ADCK1: variants seen among roughly 807,000 people sequenced by gnomAD.
The protein encoded by ADCK1 is aarF domain-containing protein kinase 1.
ADCK1 carries 41 observed loss-of-function variants against 52.3 expected under a neutral mutation model. The ratio of observed to expected loss-of-function variants is 0.78; its 90% CI spans 0.61 to 1.02. The LOEUF (loss-of-function observed/expected upper bound fraction) is 1.02, where lower values mean the gene tolerates loss of function less well. ADCK1 is among the 50% of genes least tolerant of loss of function. The pLI is 0.00. For synonymous variants in ADCK1, 250 were observed against 274.6 expected (o/e 0.91, Z 0.89); for missense variants, 658 against 679.5 (o/e 0.97, Z 0.35).
chr14:77,872,574 G>A (rs1371984548), intron 4 of ADCK1, among the ~76,000 whole-genome samples: 1 of 151,956 alleles, frequency 6.6e-6, no homozygotes, highest in Admixed American at 6.6e-5. Context: ...CAGATGGGGG[G>A]CTGGCCTTGG....
chr14:77,896,468 T>C (rs2083411091), intron 5 of ADCK1, among the ~76,000 whole-genome samples: 1 of 152,236 alleles, frequency 6.6e-6, no homozygotes, highest in Non-Finnish European at 1.5e-5. Flanking sequence ...GGAGTTGAGA[T>C]TGGAGCAAAA....
chr14:77,875,489 T>TA (rs11365781), intron 4 of ADCK1, among the ~76,000 whole-genome samples: 33 of 150,014 alleles, frequency 2.2e-4, no homozygotes, highest in Non-Finnish European at 4.4e-4. Context: ...TTCTAGATAT[T>TA]AAAAAAAAAA....
chr14:77,903,625 A>G (rs1157861551), intron 6 of ADCK1, among the ~76,000 whole-genome samples: 4 of 152,192 alleles, frequency 2.6e-5, no homozygotes, highest in Non-Finnish European at 5.9e-5. Flanking sequence ...CCTGGGGACA[A>G]GGTGGCAGGG....
rs547081408 is a variant in ADCK1, at chr14:77,931,557, C to G, written c.1246C>G (p.Gln416Glu). ...CAACAACGCGGCCAACTACCTCCCC[C>G]AGATCAGCCATCTCCTCAACCACGT... ...IRNNAANYLP[Q>E]ISHLLNHVPR... The change falls in exon 10 of 11, where the codon CAG becomes GAG. Residue 416 changes from glutamine to glutamate, a missense_variant. Transcript: ENST00000238561. 8.7e-6 allele frequency: 14 copies of G among 1,614,100 alleles called. No individual in the cohort carries two copies. The highest frequency in any genetic ancestry group is 2.2e-5 in the East Asian group (1 of 44,884).
At chr14:77,900,794 A>G in intron 6 of ADCK1, 1 of 335,990 alleles carries the variant, frequency 3.0e-6, no homozygotes, top group South Asian at 2.3e-5. Context: ...CATTATGATC[A>G]AACTATTCCC....
At chr14:77,815,459 T>C (rs1321960283) in intron 1 of ADCK1, among the ~76,000 whole-genome samples, 1 of 151,736 alleles carries the variant, frequency 6.6e-6, no homozygotes, top group Admixed American at 6.6e-5. Context: ...GTCCTCCCAT[T>C]GTGGCCTCCG....
intron 7 of ADCK1, among the ~76,000 whole-genome samples, chr14:77,912,313 G>A (rs2083810129): frequency 6.6e-6 from 1 of 152,136 alleles, no homozygotes; most frequent in Non-Finnish European, 1.5e-5. Context: ...TCTAAGTACT[G>A]TCACTTACCA....
At chr14:77,927,309 G>C (rs1183356391) in intron 9 of ADCK1, among the ~76,000 whole-genome samples, 1 of 152,212 alleles carries the variant, frequency 6.6e-6, no homozygotes, top group African/African-American at 2.4e-5. Context: ...CTACAGCCTT[G>C]AAGCCCGTCA....
intron 3 of ADCK1, among the ~76,000 whole-genome samples, chr14:77,844,346 G>T (rs2082133371): frequency 6.6e-6 from 1 of 152,146 alleles, no homozygotes; most frequent in South Asian, 2.1e-4. Context: ...CTCCCAAAGT[G>T]CTGGGATTAC....
intron 4 of ADCK1, among the ~76,000 whole-genome samples, chr14:77,879,398 C>G (rs561533455): frequency 2.0e-5 from 3 of 152,296 alleles, no homozygotes; most frequent in Admixed American, 2.0e-4. Context: ...GGGGAGACCT[C>G]TCTGAGGAGG....
At position 77,883,002 on chromosome 14, in the gene ADCK1, C is replaced by T. The variant is rs1173718889; in HGVS notation, c.424-4089C>T. Among the ~76,000 whole-genome samples, 8 of 141,652 alleles carry T rather than the reference C, an allele frequency of 5.6e-5. No homozygotes were observed. The South Asian group carries it at 1.4e-3, about 25-fold the overall frequency. The allele number at this position is 141,652 out of a possible 152,430, so 92.9% of individuals were successfully genotyped here. ...TGCTCATTAAATGACAAACACTTCC[C>T]CCCTTCGCACATGTGTGCACACACA... On this transcript the variant is annotated intron_variant, in intron 4 of 10. Transcript: ENST00000238561.
intron 1 of ADCK1, among the ~76,000 whole-genome samples, chr14:77,816,613 C>A (rs1344932876): frequency 6.6e-6 from 1 of 152,012 alleles, no homozygotes; most frequent in Non-Finnish European, 1.5e-5. Flanking sequence ...GTTAACTGAC[C>A]CTGCACATCT....
intron 3 of ADCK1, among the ~76,000 whole-genome samples, chr14:77,837,494 C>G (rs1034404493): frequency 6.6e-6 from 1 of 152,194 alleles, no homozygotes; most frequent in African/African-American, 2.4e-5. Context: ...AATAAGGTTA[C>G]AGTCACAGAT....
At chr14:77,868,354 G>A (rs11159301) in intron 4 of ADCK1, among the ~76,000 whole-genome samples, 1 of 152,012 alleles carries the variant, frequency 6.6e-6, no homozygotes, top group African/African-American at 2.4e-5. Flanking sequence ...CTCAGTGCCC[G>A]GAAGAGAGGG....
rs559257443 is a variant in ADCK1 at position 77,836,265 on chromosome 14, A to G, written c.219+13747A>G. Among the ~76,000 whole-genome samples, 7 of 152,322 alleles carry G rather than the reference A, an allele frequency of 4.6e-5. No individual in the cohort carries two copies. The South Asian group carries it at 1.4e-3, about 32-fold the overall frequency. On this transcript the variant is annotated intron_variant, in intron 3 of 10. Transcript: ENST00000238561. ...CTTGGTCATGGGCTTCCCAGCCTCT[A>G]GAACTATTTAAAACAATGTTTTGTT...
At chr14:77,900,837 T>G (rs2083521619) in intron 6 of ADCK1, among the ~76,000 whole-genome samples, 2 of 152,170 alleles carry the variant, frequency 1.3e-5, no homozygotes. Flanking sequence ...CAAATTTGTG[T>G]TTTCAAAACA....
rs966565720 is a variant in ADCK1 at position 77,819,230 on chromosome 14, C to T, written c.135+117C>T. The stretch of plus-strand genomic sequence containing the variant: ...ATGTGGAGATACTTGTGTATCCTTA[C>T]ATGTGCAAAAGCTACATCTGCACAG... On this transcript the variant is annotated intron_variant, in intron 2 of 10. Coordinates refer to ENST00000238561, the MANE Select transcript of ADCK1 (RefSeq NM_020421.4). The T allele has an allele frequency of 7.0e-6, 10 of 1,436,792 alleles. No homozygotes were observed. The African/African-American group carries it at 1.3e-4, about 18-fold the overall frequency. 89.0% of individuals were successfully genotyped at this position (1,436,792 alleles called of 1,614,324 possible). A position where few individuals can be genotyped will look rare whatever the true frequency, so the allele number is the denominator to read the frequency against.
In ADCK1 at chr14:77,810,050, A is replaced by AG. The variant is rs531614852; in HGVS notation, c.-11-8918_-11-8917insG. 3.6e-3 allele frequency among the ~76,000 whole-genome samples: 545 copies of AG among 151,778 alleles called. 2 individuals carry two copies. In the Middle Eastern group the frequency reaches 0.037, roughly 10 times the overall value. On this transcript the variant is annotated intron_variant, in intron 1 of 10. Transcript: ENST00000238561. ...GAGACTCTGTCTCAAAAAAAAAAAA[A>AG]AAAAAAAATTACAAGAGAGTCTTAT... is the stretch of plus-strand genomic sequence containing the variant.
chr14:77,824,071 G>A (rs1327434563), intron 3 of ADCK1, among the ~76,000 whole-genome samples: 1 of 151,780 alleles, frequency 6.6e-6, no homozygotes, highest in Non-Finnish European at 1.5e-5. Flanking sequence ...GCTAATTTTT[G>A]TGTTTTTAGT....
Sources: allele counts gnomAD v4.1 joint callset (sites outside exome capture counted in the v4.1 genomes callset), GRCh38; gene constraint gnomAD v4.1.1; transcripts MANE v1.5; gene names NCBI Gene and HGNC (gene_info 2026-07-23, HGNC 2026-07-21).